MFN1: variants seen among roughly 807,000 people sequenced by gnomAD.
MFN1 encodes mitofusin-1.
In MFN1, 65 loss-of-function variants were observed where a neutral mutation model predicts 92.4. The ratio of observed to expected loss-of-function variants is 0.70; its 90% CI spans 0.58 to 0.86. The LOEUF (loss-of-function observed/expected upper bound fraction) is 0.86. MFN1 is among the 40% of genes least tolerant of loss of function. MFN1 has a pLI of 0.00. For synonymous variants in MFN1, 297 were observed against 300.9 expected, an observed-to-expected ratio of 0.99 and a Z score of 0.13; for missense variants, 781 against 868.0, an observed-to-expected ratio of 0.90 and a Z score of 1.26.
chr3:179,388,796 C>A (rs1713794043), intron 16 of MFN1, among the ~76,000 whole-genome samples: 2 of 152,082 alleles, frequency 1.3e-5, no homozygotes, highest in African/African-American at 4.8e-5. Context: ...AAATCAAAAA[C>A]AAGAAGGTAA....
intron 4 of MFN1, among the ~76,000 whole-genome samples, chr3:179,361,563 G>A (rs1712580600): frequency 6.7e-6 from 1 of 149,286 alleles, no homozygotes; most frequent in Non-Finnish European, 1.5e-5. Context: ...TGGAGACAGA[G>A]TCTTGCTCTG....
intron 8 of MFN1, 71 bp downstream of exon 8, chr3:179,367,663 G>A (rs979285644): frequency 2.2e-5 from 30 of 1,347,628 alleles, no homozygotes; most frequent in South Asian, 7.4e-5. Context: ...GGTGGCTCAC[G>A]CCTGTAATCC....
chr3:179,348,601 G>A (rs1712012665), intron 1 of MFN1, among the ~76,000 whole-genome samples: 1 of 152,146 alleles, frequency 6.6e-6, no homozygotes, highest in African/African-American at 2.4e-5. Flanking sequence ...CTTCACCAAA[G>A]GGAAATTGAG....
At chr3:179,350,668 A>G (rs1278941240) in intron 2 of MFN1, among the ~76,000 whole-genome samples, 1 of 152,204 alleles carries the variant, frequency 6.6e-6, no homozygotes, top group African/African-American at 2.4e-5. Flanking sequence ...TAAAATGAAA[A>G]GCAAAAATAA....
chr3:179,376,777 T>G (rs779957088), intron 10 of MFN1: 19 of 249,550 alleles, frequency 7.6e-5, no homozygotes, highest in Non-Finnish European at 1.2e-4. Flanking sequence ...CTGTTTTGCC[T>G]GTTCATATCT....
intron 9 of MFN1, among the ~76,000 whole-genome samples, chr3:179,372,824 A>T (rs1713078709): frequency 6.6e-6 from 1 of 152,146 alleles, no homozygotes; most frequent in African/African-American, 2.4e-5. Context: ...TCCTTTTAAA[A>T]ATATTTTTGT....
rs1045181022 is a variant in MFN1 at position 179,394,296 on chromosome 3, G to A, written c.*2237G>A. 1 of 151,822 alleles carries A rather than the reference G, an allele frequency of 6.6e-6. No individual in the cohort carries two copies. Among genetic ancestry groups the A allele is most frequent in the African/African-American group, 2.4e-5 (1 of 41,266 alleles). The allele number at this position is 151,822 out of a possible 1,614,324, so 9.4% of individuals were successfully genotyped here. A position where few individuals can be genotyped will look rare whatever the true frequency, so the allele number is the denominator to read the frequency against. On this transcript the variant is annotated 3_prime_UTR_variant, in exon 18 of 18. Coordinates refer to ENST00000471841, the MANE Select transcript of MFN1 (RefSeq NM_033540.3). ...TGCACAGTGAAATTGGGGTACCACT[G>A]GTATTAGGTTTGGTATGGCAACTTT...
At chr3:179,352,999 G>GC (rs1284517058) in intron 3 of MFN1, among the ~76,000 whole-genome samples, 1 of 150,656 alleles carries the variant, frequency 6.6e-6, no homozygotes, top group Non-Finnish European at 1.5e-5. Flanking sequence ...TGATCCACCC[G>GC]CCTTGGCCTC....
At position 179,362,420 on chromosome 3, in the gene MFN1, A is replaced by G; in HGVS notation, c.474A>G (p.Val158=). The change falls in exon 5 of 18, where the codon GTA becomes GTG. Residue 158 remains valine, a synonymous_variant. Coordinates refer to ENST00000471841, the MANE Select transcript of MFN1 (RefSeq NM_033540.3). ...AAGATTTGAAAGCTGGCTGTCTTGTACGTGTGTTTTGGCCAAAAGCAAAAT... is the reference window on the plus strand; with the variant it reads ...AAGATTTGAAAGCTGGCTGTCTTGTGCGTGTGTTTTGGCCAAAAGCAAAAT... ...MDKDLKAGCL[V]RVFWPKAKCA... 6.2e-7 allele frequency: 1 copy of G among 1,613,824 alleles called. No homozygotes were observed. The highest frequency in any genetic ancestry group is 2.2e-5 in the East Asian group (1 of 44,872).
At chr3:179,355,649 T>TGGAAATGCCATGGAAATG (rs1712319715) in intron 3 of MFN1, among the ~76,000 whole-genome samples, 1 of 151,992 alleles carries the variant, frequency 6.6e-6, no homozygotes, top group African/African-American at 2.4e-5. Flanking sequence ...AGAGGGACTA[T>TGGAAATGCCATGGAAATG]CCATGGAAAT....
intron 4 of MFN1, chr3:179,359,817 A>G (rs1183998874): frequency 1.3e-5 from 2 of 151,492 alleles, no homozygotes. Flanking sequence ...TTTTCACTTC[A>G]TAACTAAATT....
Position 179,375,346 on chromosome 3 carries a change from G to A in MFN1, c.1097+5G>A, listed in dbSNP as rs1341538457. 2 of 1,610,208 alleles carry A rather than the reference G, an allele frequency of 1.2e-6. No homozygotes were observed. Among genetic ancestry groups the A allele is most frequent in the Non-Finnish European group, 1.7e-6 (2 of 1,178,978 alleles). ...CCTGGCAGCTGAAGATAAAAGGTAT[G>A]AGTTCATTTTGTTGCAACATAAAAA... is the stretch of plus-strand genomic sequence containing the variant. On this transcript the variant is annotated splice_donor_5th_base_variant and intron_variant, in intron 10 of 17. Transcript: ENST00000471841.
chr3:179,366,011 T>C (rs1199200722), intron 7 of MFN1, among the ~76,000 whole-genome samples: 1 of 152,230 alleles, frequency 6.6e-6, no homozygotes, highest in East Asian at 1.9e-4. Context: ...GTATGCATTT[T>C]TGTTAGGTAG....
rs1485560080 is a variant in MFN1 at position 179,358,979 on chromosome 3, T to G, written c.388T>G (p.Ser130Ala). ...GDKAYLMTEG[S>A]DEKKSVKTVN... ...TAAAGCCTATCTTATGACAGAAGGATCAGATGAAAAAAAGAGTGTGAAGGT... is the reference window on the plus strand; with the variant it reads ...TAAAGCCTATCTTATGACAGAAGGAGCAGATGAAAAAAAGAGTGTGAAGGT... The change falls in exon 4 of 18, where the codon TCA becomes GCA. Residue 130 changes from serine to alanine, a missense_variant. Physicochemically the swap from Ser to Ala is moderately conservative, Grantham distance 99 (BLOSUM62 1). Coordinates refer to ENST00000471841, the MANE Select transcript of MFN1 (RefSeq NM_033540.3). 1 of 1,612,966 alleles carries G rather than the reference T, an allele frequency of 6.2e-7. No individual in the cohort carries two copies. Among genetic ancestry groups the G allele is most frequent in the Non-Finnish European group, 8.5e-7 (1 of 1,179,656 alleles).
In MFN1 at chr3:179,365,185, G is replaced by A. The variant is rs750255582; in HGVS notation, c.713G>A (p.Arg238His). ...CCTAATATTTTCATTCTCAATAATC[G>A]TTGGGATGCCTCTGCATCAGAGCCA... is the stretch of plus-strand genomic sequence containing the variant. ...SKPNIFILNN[R>H]WDASASEPEY... The change falls in exon 7 of 18, where the codon CGT becomes CAT. Residue 238 changes from arginine to histidine, a missense_variant. Transcript: ENST00000471841. The A allele has an allele frequency of 4.5e-6, 7 of 1,551,100 alleles. No homozygotes were observed. Among genetic ancestry groups the A allele is most frequent in the East Asian group, 2.4e-5 (1 of 41,228 alleles).
At chr3:179,382,441 T>A (rs182599255) in intron 14 of MFN1, among the ~76,000 whole-genome samples, 23 of 152,348 alleles carry the variant, frequency 1.5e-4, no homozygotes, top group African/African-American at 5.3e-4. Flanking sequence ...ATGGTGTATA[T>A]GTGCCACATT....
intron 2 of MFN1, among the ~76,000 whole-genome samples, chr3:179,350,018 G>C (rs1712080474): frequency 6.6e-6 from 1 of 152,030 alleles, no homozygotes. Flanking sequence ...TGGGCCTGGT[G>C]GCAGACGCCT....
rs143519565 is a variant in MFN1, at chr3:179,352,322, T to C, written c.248+287T>C. On this transcript the variant is annotated intron_variant, in intron 3 of 17. Transcript: ENST00000471841. ...ATATAGATAAATGATAAGCATACTT[T>C]GTGTTTTACTCTTTTAAGTTTACTT... 6.1e-3 allele frequency among the ~76,000 whole-genome samples: 927 copies of C among 152,342 alleles called. 3 individuals are homozygous for C. The highest frequency in any genetic ancestry group is 7.7e-3 in the Non-Finnish European group (524 of 68,032).
At chr3:179,362,727 G>A (rs28512433) in intron 5 of MFN1, among the ~76,000 whole-genome samples, 4,857 of 152,164 alleles carry the variant, frequency 0.032, 256 homozygotes, top group African/African-American at 0.1. Context: ...GTGCAGTGCC[G>A]CAGTGCCACG....
Sources: allele counts gnomAD v4.1 joint callset (sites outside exome capture counted in the v4.1 genomes callset), GRCh38; gene constraint gnomAD v4.1.1; transcripts MANE v1.5; gene names NCBI Gene and HGNC (gene_info 2026-07-23, HGNC 2026-07-21).